ZNF503: variants seen among roughly 807,000 people sequenced by gnomAD.
The protein encoded by ZNF503 is zinc finger protein 503.
Under a neutral mutation model 34.4 loss-of-function variants are expected in ZNF503, and 15 were observed. That is an observed-to-expected ratio of 0.44 (90% CI 0.29 to 0.67). ZNF503 has a LOEUF of 0.67. Among genes scored for constraint, ZNF503 ranks in the 30% least tolerant of loss-of-function variants. The probability of loss-of-function intolerance (pLI) is 0.13; values close to 1 mark genes in which losing one functional copy is unlikely to be tolerated. For missense variants in ZNF503, 1,007 were observed against 926.8 expected (o/e 1.09, Z -1.12); for synonymous variants, 580 against 456.8 (o/e 1.27, Z -3.44).
the ZNF503 span, among the ~76,000 whole-genome samples, chr10:75,323,570 GT>G: frequency 5.3e-5 from 8 of 152,028 alleles, no homozygotes; most frequent in Non-Finnish European, 1.0e-4. Flanking sequence ...TTGTTCATTT[GT>G]TTTTTTAGTA....
chr10:75,367,109 A>T, the ZNF503 span, among the ~76,000 whole-genome samples: 1 of 152,238 alleles, frequency 6.6e-6, no homozygotes, highest in African/African-American at 2.4e-5. Context: ...TGTGAAGGTC[A>T]TGATAAGTAT....
chr10:75,300,338 A>C, the ZNF503 span, among the ~76,000 whole-genome samples: 1 of 152,176 alleles, frequency 6.6e-6, no homozygotes, highest in Non-Finnish European at 1.5e-5. Flanking sequence ...CCCAGATTTC[A>C]TATTGTTCAA....
chr10:75,396,459 C>T (rs1843698066), downstream of ZNF503, among the ~76,000 whole-genome samples: 1 of 152,088 alleles, frequency 6.6e-6, no homozygotes, highest in South Asian at 2.1e-4. This position sits in a 1 kb window ranked among gnomAD's most constrained non-coding sequence, Gnocchi z 4.4. Context: ...TGCGTGCAAC[C>T]CGGGTAAAGG....
At chr10:75,351,207 C>T in the ZNF503 span, among the ~76,000 whole-genome samples, 1 of 152,062 alleles carries the variant, frequency 6.6e-6, no homozygotes, top group Non-Finnish European at 1.5e-5. Flanking sequence ...GAGTCTCCCC[C>T]TGTCACCAAG....
the ZNF503 span, among the ~76,000 whole-genome samples, chr10:75,389,152 T>A: frequency 6.6e-6 from 1 of 152,106 alleles, no homozygotes; most frequent in African/African-American, 2.4e-5. Flanking sequence ...GAAAGAAAAA[T>A]GGCAGAGATG....
chr10:75,331,794 G>C, the ZNF503 span, among the ~76,000 whole-genome samples: 30 of 152,172 alleles, frequency 2.0e-4, no homozygotes, highest in Non-Finnish European at 2.8e-4. Flanking sequence ...TTGATGCCTT[G>C]CTACTGTATC....
At chr10:75,394,265 G>A (rs1372519384), downstream of ZNF503, among the ~76,000 whole-genome samples, 1 of 152,214 alleles carries the variant, frequency 6.6e-6, no homozygotes, top group Admixed American at 6.5e-5. Flanking sequence ...TCTAGTAATG[G>A]GGTGAAGATT....
At chr10:75,339,996 C>T in the ZNF503 span, among the ~76,000 whole-genome samples, 1 of 152,058 alleles carries the variant, frequency 6.6e-6, no homozygotes, top group Non-Finnish European at 1.5e-5. Context: ...GAGTGGATTA[C>T]TTGAGCCCAG....
the ZNF503 span, among the ~76,000 whole-genome samples, chr10:75,319,147 G>A: frequency 2.6e-5 from 4 of 152,130 alleles, no homozygotes; most frequent in East Asian, 3.9e-4. Flanking sequence ...TGTATTCTTT[G>A]TAGAGACAGG....
At chr10:75,327,026 A>T in the ZNF503 span, among the ~76,000 whole-genome samples, 1 of 152,178 alleles carries the variant, frequency 6.6e-6, no homozygotes, top group South Asian at 2.1e-4. Context: ...TGTGATGATC[A>T]AATCATGGTA....
the ZNF503 span, among the ~76,000 whole-genome samples, chr10:75,386,417 T>C: frequency 0.022 from 3,326 of 152,328 alleles, 133 homozygotes; most frequent in African/African-American, 0.075. Context: ...TGTTTTACCA[T>C]TGCATAGCCC....
intron 1 of ZNF503, 140 bp from the exon 2 acceptor site, chr10:75,400,514 G>A: frequency 2.8e-6 from 4 of 1,422,148 alleles, no homozygotes; most frequent in South Asian, 1.5e-5. Flanking sequence ...AATTCTAGGC[G>A]GCACCCCCTC....
chr10:75,335,639 A>G, the ZNF503 span, among the ~76,000 whole-genome samples: 1 of 152,154 alleles, frequency 6.6e-6, no homozygotes, highest in Non-Finnish European at 1.5e-5. Flanking sequence ...TCCCAACATG[A>G]GCATTTCCTT....
chr10:75,369,828 AGGCCGAGGTGGGCAGATCAC>A, the ZNF503 span, among the ~76,000 whole-genome samples: 1 of 152,152 alleles, frequency 6.6e-6, no homozygotes, highest in African/African-American at 2.4e-5. Flanking sequence ...GCACTTTGGG[AGGCCGAGGTGGGCAGATCAC>A]TTGAGGCCAG....
chr10:75,328,057 C>A, the ZNF503 span, among the ~76,000 whole-genome samples: 2 of 152,126 alleles, frequency 1.3e-5, no homozygotes, highest in African/African-American at 4.8e-5. Context: ...GTTGTCTCTT[C>A]ACTCTGTTAA....
the ZNF503 span, among the ~76,000 whole-genome samples, chr10:75,360,114 CTTTTTTT>C: frequency 2.2e-3 from 241 of 108,468 alleles, 4 homozygotes; most frequent in East Asian, 0.048. Context: ...CCAAAGGTTT[CTTTTTTT>C]TTTTTTTTTT....
chr10:75,388,997 A>G, the ZNF503 span, among the ~76,000 whole-genome samples: 3 of 152,214 alleles, frequency 2.0e-5, no homozygotes, highest in African/African-American at 7.2e-5. Context: ...ATTGTCAAAA[A>G]AAGGTTGAGG....
the ZNF503 span, among the ~76,000 whole-genome samples, chr10:75,379,186 A>T: frequency 6.6e-6 from 1 of 152,194 alleles, no homozygotes; most frequent in South Asian, 2.1e-4. Flanking sequence ...TAAAAAAATT[A>T]TTTGTAATAG....
chr10:75,306,190 C>T, the ZNF503 span, among the ~76,000 whole-genome samples: 1 of 152,132 alleles, frequency 6.6e-6, no homozygotes, highest in African/African-American at 2.4e-5. Flanking sequence ...CACATCCTTG[C>T]CAACAATTTT....
Sources: allele counts gnomAD v4.1 joint callset (sites outside exome capture counted in the v4.1 genomes callset), GRCh38; gene constraint gnomAD v4.1.1; non-coding constraint Gnocchi (gnomAD v3.1); transcripts MANE v1.5; gene names NCBI Gene and HGNC (gene_info 2026-07-23, HGNC 2026-07-21).